SLC41A2: variants seen among roughly 807,000 people sequenced by gnomAD.
The protein encoded by SLC41A2 is solute carrier family 41 member 2.
A neutral mutation model predicts 58.3 loss-of-function variants in SLC41A2; 32 were observed. The ratio of observed to expected loss-of-function variants is 0.55; its 90% CI spans 0.41 to 0.74. The LOEUF (loss-of-function observed/expected upper bound fraction) is 0.74. Among genes scored for constraint, SLC41A2 ranks in the 30% least tolerant of loss-of-function variants. SLC41A2 has a pLI of 0.00. For missense variants in SLC41A2, 514 were observed against 680.6 expected (o/e 0.76, Z 2.72); for synonymous variants, 190 against 235.0 (o/e 0.81, Z 1.75).
chr12:104,942,599 A>C (rs923220775), intron 1 of SLC41A2, among the ~76,000 whole-genome samples: 4 of 152,190 alleles, frequency 2.6e-5, no homozygotes, highest in Admixed American at 2.0e-4. Flanking sequence ...TTTAGAAATT[A>C]CAGCTATAGA....
chr12:104,881,185 C>A (rs1013019587), intron 6 of SLC41A2, among the ~76,000 whole-genome samples: 5 of 151,582 alleles, frequency 3.3e-5, no homozygotes, highest in Non-Finnish European at 4.4e-5. Context: ...TTTTTATTGC[C>A]TCTATTTGAT....
At chr12:104,827,024 A>C (rs2041869258) in intron 10 of SLC41A2, among the ~76,000 whole-genome samples, 1 of 152,234 alleles carries the variant, frequency 6.6e-6, no homozygotes, top group South Asian at 2.1e-4. Flanking sequence ...TTAGGTGTGC[A>C]TAATAGAGGG....
intron 10 of SLC41A2, among the ~76,000 whole-genome samples, chr12:104,823,565 C>A (rs2041724347): frequency 6.6e-6 from 1 of 151,934 alleles, no homozygotes; most frequent in South Asian, 2.1e-4. Flanking sequence ...CTGTAACAAC[C>A]GGATGTTCAT....
intron 4 of SLC41A2, among the ~76,000 whole-genome samples, chr12:104,891,710 GA>G (rs1381813417): frequency 2.6e-5 from 4 of 151,568 alleles, no homozygotes; most frequent in Admixed American, 6.6e-5. Context: ...TCAGATAAGA[GA>G]AAGAAATGAA....
intron 2 of SLC41A2, among the ~76,000 whole-genome samples, chr12:104,918,452 T>C (rs575508957): frequency 6.6e-6 from 1 of 152,266 alleles, no homozygotes; most frequent in South Asian, 2.1e-4. Flanking sequence ...TAGTGCATTA[T>C]CTGTCTGAGA....
chr12:104,868,942 G>A (rs1028205576), intron 6 of SLC41A2, among the ~76,000 whole-genome samples: 16 of 152,154 alleles, frequency 1.1e-4, no homozygotes, highest in Non-Finnish European at 2.1e-4. Context: ...AGGCAAATCC[G>A]AAGAGAAGGT....
chr12:104,923,693 A>G (rs2046710425), intron 2 of SLC41A2, among the ~76,000 whole-genome samples: 1 of 152,194 alleles, frequency 6.6e-6, no homozygotes, highest in Non-Finnish European at 1.5e-5. Flanking sequence ...ATGAACAACT[A>G]TACACGAACA....
chr12:104,866,904 T>C (rs2043494704), intron 6 of SLC41A2, among the ~76,000 whole-genome samples: 1 of 152,090 alleles, frequency 6.6e-6, no homozygotes. Context: ...ATATACCAAG[T>C]ACTATGCTAA....
At chr12:104,817,511 G>C (rs2041459855) in intron 10 of SLC41A2, among the ~76,000 whole-genome samples, 1 of 151,592 alleles carries the variant, frequency 6.6e-6, no homozygotes, top group Non-Finnish European at 1.5e-5. Context: ...CAAAATCATT[G>C]TACAGCTGTA....
chr12:104,925,329 C>G (rs1420606492), intron 2 of SLC41A2, among the ~76,000 whole-genome samples: 1 of 152,198 alleles, frequency 6.6e-6, no homozygotes, highest in Non-Finnish European at 1.5e-5. Context: ...GAGGCCGAGA[C>G]AGGCGGATCA....
At chr12:104,882,820 T>C (rs1229508980) in intron 6 of SLC41A2, among the ~76,000 whole-genome samples, 1 of 152,120 alleles carries the variant, frequency 6.6e-6, no homozygotes, top group Non-Finnish European at 1.5e-5. Flanking sequence ...TCTCAAGGAG[T>C]ATCTTTGTGA....
In SLC41A2 at chr12:104,895,260, T is replaced by C. The variant is rs2045223687; in HGVS notation, c.735+14A>G. On this transcript the variant is annotated intron_variant, in intron 4 of 10. Transcript: ENST00000258538. ...TACACCCAAGATCTGTAAACAAATATGTGTACCACTTACCTGCTTTAAAGC... is the reference window on the plus strand; with the variant it reads ...TACACCCAAGATCTGTAAACAAATACGTGTACCACTTACCTGCTTTAAAGC... The C allele has an allele frequency of 6.2e-7, 1 of 1,600,886 alleles. No individual in the cohort carries two copies. Among genetic ancestry groups the C allele is most frequent in the Non-Finnish European group, 8.6e-7 (1 of 1,168,482 alleles).
rs12318112 is a variant in SLC41A2, at chr12:104,831,196, C to T, written c.1536+13276G>A. ...CTGAGATTACAGGCATGAGCCACCA[C>T]ACTCAGCCTATTTACTTTCGATCAT... On this transcript the variant is annotated intron_variant, in intron 10 of 10. Coordinates refer to ENST00000258538, the MANE Select transcript of SLC41A2 (RefSeq NM_001352171.3). Among the ~76,000 whole-genome samples the T allele has an allele frequency of 3.3e-3, 501 of 152,138 alleles. 5 individuals are homozygous for T. The highest frequency in any genetic ancestry group is 0.012 in the African/African-American group (478 of 41,530).
At chr12:104,922,156 G>T (rs79507306) in intron 2 of SLC41A2, among the ~76,000 whole-genome samples, 1 of 152,062 alleles carries the variant, frequency 6.6e-6, no homozygotes, top group Admixed American at 6.6e-5. Context: ...AATGTCAATT[G>T]TAAGTCCTTA....
intron 10 of SLC41A2, among the ~76,000 whole-genome samples, chr12:104,836,553 T>C (rs1282975895): frequency 1.3e-5 from 2 of 152,140 alleles, no homozygotes; most frequent in Admixed American, 6.5e-5. Context: ...AGAGAAGATA[T>C]AACTGAACAC....
intron 1 of SLC41A2, among the ~76,000 whole-genome samples, chr12:104,956,287 G>A (rs1214486324): frequency 6.6e-6 from 1 of 152,102 alleles, no homozygotes; most frequent in Non-Finnish European, 1.5e-5. Flanking sequence ...TAAGTTTTTC[G>A]GTATCAGATT....
intron 7 of SLC41A2, among the ~76,000 whole-genome samples, chr12:104,862,669 T>C (rs973919196): frequency 6.6e-6 from 1 of 152,186 alleles, no homozygotes; most frequent in Non-Finnish European, 1.5e-5. Flanking sequence ...TTATTTAAAT[T>C]GACAATAAAA....
In SLC41A2 at chr12:104,849,124, C is replaced by T. The variant is rs535222341; in HGVS notation, c.1256-3150G>A. Reference sequence around the variant, plus strand: ...CATATTAAGTTTTGCAAGATGATAACGAATGGATGAAAAGGATTTTTTAAC... The same window carrying T: ...CATATTAAGTTTTGCAAGATGATAATGAATGGATGAAAAGGATTTTTTAAC... On this transcript the variant is annotated intron_variant, in intron 8 of 10. Coordinates refer to ENST00000258538, the MANE Select transcript of SLC41A2 (RefSeq NM_001352171.3). Among the ~76,000 whole-genome samples the T allele has an allele frequency of 3.3e-5, 5 of 152,154 alleles. No individual in the cohort carries two copies. The South Asian group carries it at 6.2e-4, about 19-fold the overall frequency.
intron 10 of SLC41A2, among the ~76,000 whole-genome samples, chr12:104,843,021 T>C (rs2042469254): frequency 6.6e-6 from 1 of 152,004 alleles, no homozygotes; most frequent in Non-Finnish European, 1.5e-5. Flanking sequence ...ATCAAACATA[T>C]ATGACAATAA....
Sources: allele counts gnomAD v4.1 joint callset (sites outside exome capture counted in the v4.1 genomes callset), GRCh38; gene constraint gnomAD v4.1.1; transcripts MANE v1.5; gene names NCBI Gene and HGNC (gene_info 2026-07-23, HGNC 2026-07-21).